The following DBN1 variants were observed in gnomAD, a reference collection of about 807,000 sequenced individuals.
DBN1 encodes the protein drebrin 1, also known as drebrin.
DBN1 carries 21 observed loss-of-function variants against 83.5 expected under a neutral mutation model. That is an observed-to-expected ratio of 0.25 (90% CI 0.18 to 0.36). DBN1 has a LOEUF of 0.36. DBN1 is among the 10% of genes least tolerant of loss of function. DBN1 has a pLI of 1.00. For synonymous variants in DBN1, 381 were observed against 384.9 expected (o/e 0.99, Z 0.12); for missense variants, 874 against 935.7 (o/e 0.93, Z 0.86).
In DBN1 at chr5:177,467,106, G is replaced by A. The variant is rs766165482; in HGVS notation, c.556-44C>T. 12 of 1,611,918 alleles carry A rather than the reference G, an allele frequency of 7.4e-6. No individual in the cohort carries two copies. In the East Asian group the frequency reaches 8.9e-5, roughly 12 times the overall value. On this transcript the variant is annotated intron_variant, in intron 6 of 14. Transcript: ENST00000393565. This position sits in a 1 kb window ranked among gnomAD's most constrained non-coding sequence, Gnocchi z 9.1. ...ACAAGGGTAGGCCCCGAGCCTAGGC[G>A]CCTGGACCCTGCCCCTCCAGCCCCT...
Position 177,459,694 on chromosome 5 carries a change from G to A in DBN1, c.1002C>T (p.Ser334=). Residue 334 remains serine, a synonymous_variant, in exon 11 of 15, where the codon TCC becomes TCT. Coordinates refer to ENST00000393565, the MANE Select transcript of DBN1 (RefSeq NM_001363541.2). ...GGGAGGAGGAGGAAGAGGAGGAGGA[G>A]GAAGGCCCACTGTCCGATGCCTTTA... The part of the protein sequence containing the change: ...PFIKASDSGP[S]SSSSSSSSPP... 6.3e-7 allele frequency: 1 copy of A among 1,589,106 alleles called. No individual in the cohort carries two copies. The highest frequency in any genetic ancestry group is 8.6e-7 in the Non-Finnish European group (1 of 1,168,452).
chr5:177,462,902 G>C (rs572325227), intron 8 of DBN1, among the ~76,000 whole-genome samples: 9 of 152,188 alleles, frequency 5.9e-5, no homozygotes, highest in African/African-American at 1.7e-4. Context: ...CAGCCCACGG[G>C]GTTCCAGTCA....
In DBN1 at chr5:177,468,911, G is replaced by A. The variant is rs755501721; in HGVS notation, c.87-12C>T. 8.4e-5 allele frequency: 110 copies of A among 1,313,106 alleles called. 1 individual carries two copies. In the South Asian group the frequency reaches 3.3e-3, roughly 39 times the overall value. The allele number at this position is 1,313,106 out of a possible 1,614,324, so 81.3% of individuals were successfully genotyped here. On this transcript the variant is annotated splice_polypyrimidine_tract_variant and intron_variant, in intron 1 of 14. Transcript: ENST00000393565. ...ATGTGTACAGAGCCCTGGGGAGAGG[G>A]AGGGGTGGCTGTCAAACTGTCAGGG... is the stretch of plus-strand genomic sequence containing the variant.
Position 177,468,004 on chromosome 5 carries a change from T to C in DBN1, c.255+104A>G, listed in dbSNP as rs1581733267. On this transcript the variant is annotated intron_variant, in intron 3 of 14. Transcript: ENST00000393565. Reference sequence around the variant, plus strand: ...CAGCCCCGGCCGCATACCCAGTTGATGAGCAGCTCTGGGCCCTCAGCCCCC... The same window carrying C: ...CAGCCCCGGCCGCATACCCAGTTGACGAGCAGCTCTGGGCCCTCAGCCCCC... The C allele has an allele frequency of 1.1e-5, 9 of 798,768 alleles. No individual in the cohort carries two copies. In the South Asian group the frequency reaches 1.3e-4, roughly 12 times the overall value. The allele number at this position is 798,768 out of a possible 1,614,324, so 49.5% of individuals were successfully genotyped here.
rs1256513228 is a variant in DBN1, at chr5:177,457,776, G to A, written c.1915-19C>T. 6.5e-7 allele frequency: 1 copy of A among 1,536,464 alleles called. No individual in the cohort carries two copies. Among genetic ancestry groups the A allele is most frequent in the South Asian group, 1.1e-5 (1 of 88,430 alleles). ...CACTGGCCTGCAGGGGAAAGCATCA[G>A]GTCACTTGGCCCCACCCAGCAGGAC... On this transcript the variant is annotated intron_variant, in intron 13 of 14. Transcript: ENST00000393565.
Position 177,467,220 on chromosome 5 carries a change from G to A in DBN1, c.555+35C>T, listed in dbSNP as rs1318824093. 3 of 1,612,674 alleles carry A rather than the reference G, an allele frequency of 1.9e-6. No homozygotes were observed. The highest frequency in any genetic ancestry group is 1.7e-5 in the Admixed American group (1 of 60,030). ...GACCTGCCCCATGGGGTCCATGAGGGGTGGCTCAGCCAGGCCGGGCTCAGG... is the reference window on the plus strand; with the variant it reads ...GACCTGCCCCATGGGGTCCATGAGGAGTGGCTCAGCCAGGCCGGGCTCAGG... On this transcript the variant is annotated intron_variant, in intron 6 of 14. Transcript: ENST00000393565. This position sits in a 1 kb window ranked among gnomAD's most constrained non-coding sequence, Gnocchi z 9.1.
At chr5:177,472,186 T>C (rs753045482) in intron 1 of DBN1, 3 of 1,613,674 alleles carry the variant, frequency 1.9e-6, no homozygotes, top group Non-Finnish European at 2.5e-6. Flanking sequence ...AGTGCTGCAG[T>C]ACCATGCCAT....
intron 1 of DBN1, among the ~76,000 whole-genome samples, chr5:177,469,971 G>T: frequency 6.6e-6 from 1 of 152,240 alleles, no homozygotes; most frequent in East Asian, 1.9e-4. Flanking sequence ...AAGAGGAGGG[G>T]AGAAGCAGAG....
intron 1 of DBN1, among the ~76,000 whole-genome samples, chr5:177,469,505 G>A (rs1322024214): frequency 1.3e-5 from 2 of 152,194 alleles, no homozygotes; most frequent in Non-Finnish European, 2.9e-5. Flanking sequence ...TGGGGATGAG[G>A]TCACTGCAGT....
chr5:177,472,632 A>T (rs1396391404), intron 1 of DBN1: 4 of 424,224 alleles, frequency 9.4e-6, no homozygotes, highest in Non-Finnish European at 1.4e-5. Context: ...TCACCCCTTC[A>T]GCCGTCTTTG....
In DBN1 at chr5:177,467,636, A is replaced by G; in HGVS notation, c.331-9T>C. 1 of 1,569,674 alleles carries G rather than the reference A, an allele frequency of 6.4e-7. No individual in the cohort carries two copies. Among genetic ancestry groups the G allele is most frequent in the Non-Finnish European group, 8.6e-7 (1 of 1,157,254 alleles). On this transcript the variant is annotated splice_polypyrimidine_tract_variant and intron_variant, in intron 4 of 14. Coordinates refer to ENST00000393565, the MANE Select transcript of DBN1 (RefSeq NM_001363541.2). The surrounding 1 kb of genome is among the most constrained non-coding windows in gnomAD (Gnocchi z 9.1). Reference sequence around the variant, plus strand: ...ACGATCACGTCGACACCCTTCCGCAAGAAGACGGCAGTGCTCAGGCGGCAC... The same window carrying G: ...ACGATCACGTCGACACCCTTCCGCAGGAAGACGGCAGTGCTCAGGCGGCAC...
rs571764849 is a variant in DBN1 at position 177,466,424 on chromosome 5, G to A, written c.771+348C>T. Among the ~76,000 whole-genome samples, 11 of 152,200 alleles carry A rather than the reference G, an allele frequency of 7.2e-5. No homozygotes were observed. In the East Asian group the frequency reaches 1.9e-3, roughly 27 times the overall value. On this transcript the variant is annotated intron_variant, in intron 8 of 14. Coordinates refer to ENST00000393565, the MANE Select transcript of DBN1 (RefSeq NM_001363541.2). This position sits in a 1 kb window ranked among gnomAD's most constrained non-coding sequence, Gnocchi z 4.8. ...GCACTGGCCCAGGCTCACCCATGCC[G>A]CCTGCCTCACTCCTGTGGCCCCTCA...
rs1756552433 is a variant in DBN1 at position 177,457,073 on chromosome 5, G to A, written c.*360C>T. 3.4e-6 allele frequency: 1 copy of A among 290,018 alleles called. No homozygotes were observed. The allele number at this position is 290,018 out of a possible 1,614,324, so 18.0% of individuals were successfully genotyped here. ...AGGTGGGGGACATTTTCCCACCAGA[G>A]CTCCCCCCACGCCAGGCCCCAAGCA... On this transcript the variant is annotated 3_prime_UTR_variant, in exon 15 of 15. Coordinates refer to ENST00000393565, the MANE Select transcript of DBN1 (RefSeq NM_001363541.2).
In DBN1 at chr5:177,467,356, T is replaced by C. The variant is rs1287247743; in HGVS notation, c.478-24A>G. 1 of 1,614,028 alleles carries C rather than the reference T, an allele frequency of 6.2e-7. No homozygotes were observed. Among genetic ancestry groups the C allele is most frequent in the Non-Finnish European group, 8.5e-7 (1 of 1,179,954 alleles). On this transcript the variant is annotated intron_variant, in intron 5 of 14. Transcript: ENST00000393565. This position sits in a 1 kb window ranked among gnomAD's most constrained non-coding sequence, Gnocchi z 9.1. ...CCCTGCAGTGTCGAAGGACCCAGCA[T>C]AAGCAGGCTGAATGCCCCAGGAACC...
In DBN1 at chr5:177,459,745, C is replaced by G. The variant is rs528844955; in HGVS notation, c.956-5G>C. 2.0e-6 allele frequency: 3 copies of G among 1,492,630 alleles called. No individual in the cohort carries two copies. Among genetic ancestry groups the G allele is most frequent in the South Asian group, 1.3e-5 (1 of 75,672 alleles). The allele number at this position is 1,492,630 out of a possible 1,614,324, so 92.5% of individuals were successfully genotyped here. ...TGAAAGGGCAGTACGGACGACCTGC[C>G]GAGAGAGACAGACAGAGAAAGAGAC... is the stretch of plus-strand genomic sequence containing the variant. On this transcript the variant is annotated splice_region_variant and splice_polypyrimidine_tract_variant and intron_variant, in intron 10 of 14. Transcript: ENST00000393565.
At chr5:177,460,329 C>T in intron 10 of DBN1, 103 bp downstream of exon 10, 1 of 1,556,788 alleles carries the variant, frequency 6.4e-7, no homozygotes, top group South Asian at 1.1e-5. Flanking sequence ...TCGCCTTCTC[C>T]AAGGGTTGCT....
intron 1 of DBN1, among the ~76,000 whole-genome samples, chr5:177,469,683 C>G (rs1757708547): frequency 6.6e-6 from 1 of 152,196 alleles, no homozygotes; most frequent in East Asian, 1.9e-4. Flanking sequence ...CCTCCTCCTC[C>G]CTAGCTTTGT....
At chr5:177,459,289 G>T (rs1382765084) in intron 11 of DBN1, 21 bp from the exon 12 acceptor site, 1 of 1,599,860 alleles carries the variant, frequency 6.3e-7, no homozygotes, top group South Asian at 1.1e-5. Flanking sequence ...AACCCCAGGT[G>T]GGTCAGTGAG....
Position 177,456,985 on chromosome 5 carries a change from T to G in DBN1, c.*448A>C, listed in dbSNP as rs1280627097. ...CATGTTTTAAAATTCGTGCAAAATA[T>G]CTGAAGCCCTGGACAGAGAATACAA... On this transcript the variant is annotated 3_prime_UTR_variant, in exon 15 of 15. Transcript: ENST00000393565. 6.3e-6 allele frequency: 1 copy of G among 158,876 alleles called. No homozygotes were observed. Among genetic ancestry groups the G allele is most frequent in the African/African-American group, 2.4e-5 (1 of 41,616 alleles). 9.8% of individuals were successfully genotyped at this position (158,876 alleles called of 1,614,324 possible).
Sources: gnomAD v4.1 joint callset for allele counts (sites outside exome capture counted in the v4.1 genomes callset) on GRCh38, gnomAD v4.1.1 for gene constraint, Gnocchi (gnomAD v3.1) non-coding constraint, MANE v1.5 for transcripts, NCBI Gene and HGNC (gene_info 2026-07-23, HGNC 2026-07-21) for gene names.